The following TENM4 variants were observed in gnomAD, a reference collection of about 807,000 sequenced individuals.
TENM4 encodes the protein teneurin-4.
In TENM4, 82 loss-of-function variants were observed where a neutral mutation model predicts 243.3. The observed-to-expected ratio is 0.34, with a 90% CI of 0.28 to 0.40. The LOEUF (loss-of-function observed/expected upper bound fraction) is 0.40. Among genes scored for constraint, TENM4 ranks in the 10% least tolerant of loss-of-function variants. TENM4 has a pLI of 1.00. For synonymous variants in TENM4, 1,412 were observed against 1,456.3 expected, an observed-to-expected ratio of 0.97 and a Z score of 0.69; for missense variants, 3,138 against 3,673.3, an observed-to-expected ratio of 0.85 and a Z score of 3.77.
At chr11:78,840,639 A>G (rs1346119086) in intron 12 of TENM4, among the ~76,000 whole-genome samples, 1 of 152,228 alleles carries the variant, frequency 6.6e-6, no homozygotes, top group Admixed American at 6.5e-5. Context: ...TCCCCCAAAC[A>G]GAGATTCTTG....
rs73498567 is a variant in TENM4, at chr11:78,826,612, G to A, written c.1682-12217C>T. On this transcript the variant is annotated intron_variant, in intron 12 of 33. Transcript: ENST00000278550. ...TTGTGATGTCTACTCCAGATGATAA[G>A]GGGCAGTAGCCTTCCATAGGGTTAC... Among the ~76,000 whole-genome samples, 395 of 152,166 alleles carry A rather than the reference G, an allele frequency of 2.6e-3. 2 individuals are homozygous for A. Among genetic ancestry groups the A allele is most frequent in the African/African-American group, 9.1e-3 (378 of 41,524 alleles).
At chr11:79,153,717 C>G (rs1377607025) in intron 3 of TENM4, among the ~76,000 whole-genome samples, 3 of 152,176 alleles carry the variant, frequency 2.0e-5, no homozygotes, top group African/African-American at 7.2e-5. Context: ...TCCTTTCACA[C>G]TGGGGCTCTT....
At chr11:78,850,313 A>T (rs1858506386) in intron 12 of TENM4, among the ~76,000 whole-genome samples, 1 of 152,224 alleles carries the variant, frequency 6.6e-6, no homozygotes, top group African/African-American at 2.4e-5. Context: ...TTACAAACAG[A>T]CATAAATACT....
intron 1 of TENM4, among the ~76,000 whole-genome samples, chr11:79,371,986 T>G (rs566309038): frequency 1.3e-5 from 2 of 152,178 alleles, no homozygotes; most frequent in East Asian, 3.9e-4. Flanking sequence ...GAGCCCAAGG[T>G]GTCAGGGATA....
intron 28 of TENM4, among the ~76,000 whole-genome samples, chr11:78,690,462 T>C (rs917884122): frequency 1.3e-5 from 2 of 152,220 alleles, no homozygotes; most frequent in African/African-American, 2.4e-5. Context: ...ATTTCCATGC[T>C]TTAAAAATAA....
chr11:78,667,551 C>T (rs1858186855), intron 32 of TENM4, among the ~76,000 whole-genome samples: 1 of 151,970 alleles, frequency 6.6e-6, no homozygotes, highest in Non-Finnish European at 1.5e-5. Flanking sequence ...GTGAAGACTT[C>T]CCAGAATGCT....
intron 1 of TENM4, among the ~76,000 whole-genome samples, chr11:79,345,813 A>C (rs529669382): frequency 6.6e-6 from 1 of 152,188 alleles, no homozygotes. Flanking sequence ...ACATCTGAGG[A>C]CCCAGCACAC....
intron 4 of TENM4, among the ~76,000 whole-genome samples, chr11:79,138,473 T>C (rs1422229912): frequency 2.5e-5 from 3 of 118,004 alleles, no homozygotes; most frequent in Non-Finnish European, 4.8e-5. Context: ...TAATATATTA[T>C]ATACAAATAA....
intron 6 of TENM4, among the ~76,000 whole-genome samples, chr11:78,977,942 T>G (rs1020661432): frequency 6.6e-6 from 1 of 152,148 alleles, no homozygotes; most frequent in Non-Finnish European, 1.5e-5. Context: ...TAGCAAAGAC[T>G]TGGAGCCAAC....
chr11:78,990,218 G>A (rs549726272), intron 6 of TENM4, among the ~76,000 whole-genome samples: 3 of 152,250 alleles, frequency 2.0e-5, no homozygotes, highest in East Asian at 1.9e-4. Flanking sequence ...AGAAGCATGG[G>A]TCAAAGAAGA....
intron 30 of TENM4, among the ~76,000 whole-genome samples, chr11:78,672,861 G>A (rs189816901): frequency 7.2e-5 from 11 of 152,012 alleles, no homozygotes; most frequent in Admixed American, 2.6e-4. Context: ...AACACTCAGT[G>A]GCCCTCTGAG....
At chr11:78,814,263 G>T in intron 13 of TENM4, 31 bp downstream of exon 13, 1 of 1,545,294 alleles carries the variant, frequency 6.5e-7, no homozygotes, top group Non-Finnish European at 8.7e-7. Flanking sequence ...CTGGGAAGCA[G>T]AAATCCAGAG....
At chr11:78,787,484 A>C (rs1856965219) in intron 15 of TENM4, among the ~76,000 whole-genome samples, 1 of 152,222 alleles carries the variant, frequency 6.6e-6, no homozygotes, top group Non-Finnish European at 1.5e-5. Flanking sequence ...ATTAAAAACC[A>C]GTTATGTGTG....
At chr11:79,246,773 G>A (rs1204306876) in intron 2 of TENM4, among the ~76,000 whole-genome samples, 1 of 152,100 alleles carries the variant, frequency 6.6e-6, no homozygotes, top group Admixed American at 6.6e-5. Context: ...GGAATGATGA[G>A]GTTCTCCACG....
intron 32 of TENM4, 123 bp downstream of exon 32, chr11:78,668,814 T>C (rs1858229459): frequency 1.6e-6 from 2 of 1,263,582 alleles, no homozygotes; most frequent in South Asian, 1.6e-5. Context: ...TGGAAAATGC[T>C]GCTCTAAGAG....
chr11:79,007,797 T>A (rs1161823832), intron 6 of TENM4, among the ~76,000 whole-genome samples: 1 of 152,196 alleles, frequency 6.6e-6, no homozygotes, highest in Non-Finnish European at 1.5e-5. Context: ...TGTACCTTCC[T>A]GAAAGAACAG....
chr11:79,384,882 C>T (rs535692490), intron 1 of TENM4, among the ~76,000 whole-genome samples: 31 of 142,258 alleles, frequency 2.2e-4, no homozygotes, highest in African/African-American at 6.2e-4. Flanking sequence ...GCCGAGATGG[C>T]ACCACTGCAC....
intron 6 of TENM4, among the ~76,000 whole-genome samples, chr11:79,054,525 G>T (rs1859891165): frequency 1.3e-5 from 2 of 151,172 alleles, no homozygotes; most frequent in South Asian, 4.2e-4. Context: ...TTGAGACAGG[G>T]TCTTGTTCTG....
At chr11:79,253,489 C>T (rs1319148035) in intron 2 of TENM4, among the ~76,000 whole-genome samples, 1 of 152,152 alleles carries the variant, frequency 6.6e-6, no homozygotes, top group Non-Finnish European at 1.5e-5. Flanking sequence ...AGGATGTGAC[C>T]TCCGGAGGCT....
Sources: gnomAD v4.1 joint callset for allele counts (sites outside exome capture counted in the v4.1 genomes callset) on GRCh38, gnomAD v4.1.1 for gene constraint, MANE v1.5 for transcripts, NCBI Gene and HGNC (gene_info 2026-07-23, HGNC 2026-07-21) for gene names.